SRP72: variants seen among roughly 807,000 people sequenced by gnomAD.
SRP72 encodes the protein signal recognition particle subunit SRP72.
A neutral mutation model predicts 96.3 loss-of-function variants in SRP72; 49 were observed. The observed-to-expected ratio is 0.51, with a 90% confidence interval of 0.40 to 0.65. The LOEUF is 0.65. Among genes scored for constraint, SRP72 ranks in the 30% least tolerant of loss-of-function variants. The probability of loss-of-function intolerance (pLI) is 0.00; values close to 1 mark genes in which losing one functional copy is unlikely to be tolerated. For missense variants in SRP72, 736 were observed against 793.3 expected (o/e 0.93, Z 0.87); for synonymous variants, 267 against 275.2 (o/e 0.97, Z 0.30).
At chr4:56,477,184 T>TA in intron 6 of SRP72, 1 of 152,572 alleles carries the variant, frequency 6.6e-6, no homozygotes, top group East Asian at 1.9e-4. Flanking sequence ...GGCTCACAAC[T>TA]AATTAGACAA....
At chr4:56,483,734 C>G (rs1262902629) in intron 9 of SRP72, among the ~76,000 whole-genome samples, 1 of 151,718 alleles carries the variant, frequency 6.6e-6, no homozygotes, top group Non-Finnish European at 1.5e-5. Context: ...AAGTAATTTG[C>G]CCAATTTCTT....
Position 56,490,600 on chromosome 4 carries a change from A to G in SRP72, c.1457A>G (p.Gln486Arg), listed in dbSNP as rs748008594. 7 of 1,613,992 alleles carry G rather than the reference A, an allele frequency of 4.3e-6. No individual in the cohort carries two copies. In the South Asian group the frequency reaches 7.7e-5, roughly 18 times the overall value. Residue 486 changes from glutamine (Q) to arginine (R), a missense_variant, in exon 15 of 19, where the codon CAG (glutamine) becomes CGG (arginine). By Grantham distance (43) the Gln-to-Arg change is conservative (BLOSUM62 1). Transcript: ENST00000642900. Reference sequence around the variant, plus strand: ...CCAAAAGATATTCACACCCTGGCACAGCTTATTTCTGCTTACTCACTTGTA... The same window carrying G: ...CCAAAAGATATTCACACCCTGGCACGGCTTATTTCTGCTTACTCACTTGTA... ...QNPKDIHTLA[Q>R]LISAYSLVDP...
rs1720780006 is a variant in SRP72, at chr4:56,488,006, C to T, written c.1217C>T (p.Pro406Leu). The change falls in exon 12 of 19, where the codon CCA becomes CTA. Residue 406 changes from proline (P) to leucine (L), a missense_variant. By Grantham distance (98) the Pro-to-Leu change is moderately conservative. Transcript: ENST00000642900. ...LRSIEELKHK[P>L]GMVSALVTMY... ...AGCATAGAGGAGTTAAAGCATAAAC[C>T]AGGCATGGTGAGTTTTAAAAATTAC... The T allele has an allele frequency of 1.3e-6, 2 of 1,597,466 alleles. No individual in the cohort carries two copies. Among genetic ancestry groups the T allele is most frequent in the Non-Finnish European group, 1.7e-6 (2 of 1,175,432 alleles).
At position 56,502,483 on chromosome 4, in the gene SRP72, GTATATATATATACATATA is replaced by G. The variant is rs1471949024; in HGVS notation, c.*635_*652del. 2.2e-5 allele frequency: 2 copies of G among 91,082 alleles called. No individual in the cohort carries two copies. The highest frequency in any genetic ancestry group is 1.0e-3 in the East Asian group (2 of 1,986). The allele number at this position is 91,082 out of a possible 1,614,324, so 5.6% of individuals were successfully genotyped here. A position where few individuals can be genotyped will look rare whatever the true frequency, so the allele number is the denominator to read the frequency against. On this transcript the variant is annotated 3_prime_UTR_variant, in exon 19 of 19. Transcript: ENST00000642900. Reference sequence around the variant, plus strand: ...TTCATGTTTATATATATATATATATGTATATATATATACATATATATATATATATAAACATGAAATATA... The same window carrying G: ...TTCATGTTTATATATATATATATATGTATATATATATAAACATGAAATATA...
At chr4:56,491,801 A>C in intron 16 of SRP72, 1 of 381,712 alleles carries the variant, frequency 2.6e-6, no homozygotes, top group East Asian at 4.6e-5. Flanking sequence ...CTTTGTGTTT[A>C]CACACACAGA....
At chr4:56,499,607 T>C (rs1721189708) in intron 17 of SRP72, among the ~76,000 whole-genome samples, 1 of 151,854 alleles carries the variant, frequency 6.6e-6, no homozygotes, top group African/African-American at 2.4e-5. Flanking sequence ...CCAAGAAACA[T>C]GAAAAAAAGC....
At chr4:56,478,291 T>G in intron 6 of SRP72, 88 bp from the exon 7 acceptor site, 11 of 1,350,238 alleles carry the variant, frequency 8.1e-6, no homozygotes, top group Non-Finnish European at 1.1e-5. Context: ...GTCTTCAGGA[T>G]TGTATCTCTT....
chr4:56,468,822 C>T (rs908942198), intron 1 of SRP72, among the ~76,000 whole-genome samples: 4 of 152,156 alleles, frequency 2.6e-5, no homozygotes, highest in African/African-American at 9.7e-5. Flanking sequence ...TAGTATTTTG[C>T]AGGAATTCTT....
At chr4:56,483,816 T>C (rs1024772763) in intron 9 of SRP72, among the ~76,000 whole-genome samples, 7 of 152,130 alleles carry the variant, frequency 4.6e-5, no homozygotes, top group Non-Finnish European at 1.0e-4. Context: ...GATAACTTTC[T>C]CATTACCTTA....
chr4:56,467,863 C>T (rs1319273071), intron 1 of SRP72, 119 bp downstream of exon 1: 3 of 1,002,686 alleles, frequency 3.0e-6, no homozygotes, highest in South Asian at 2.2e-5. Context: ...CGAAACCCCC[C>T]CGTCTATTGT....
rs113414930 is a variant in SRP72, at chr4:56,493,419, C to CA, written c.1640+1852dup. On this transcript the variant is annotated intron_variant, in intron 16 of 18. Transcript: ENST00000642900. ...GTTTCAGCACAGTATTTTCATTATG[C>CA]ATTATTAATGCTCTTTATTTTATCT... 1.8e-3 allele frequency among the ~76,000 whole-genome samples: 275 copies of CA among 152,278 alleles called. 10 individuals carry two copies. In the South Asian group the frequency reaches 0.039, roughly 21 times the overall value.
At chr4:56,499,660 A>G (rs147663068) in intron 17 of SRP72, among the ~76,000 whole-genome samples, 9 of 152,336 alleles carry the variant, frequency 5.9e-5, no homozygotes, top group Non-Finnish European at 8.8e-5. Flanking sequence ...CAAAACAACA[A>G]TGAAATACCA....
Position 56,503,132 on chromosome 4 carries a change from A to C in SRP72, c.*1271A>C, listed in dbSNP as rs1266746384. On this transcript the variant is annotated 3_prime_UTR_variant, in exon 19 of 19. Transcript: ENST00000642900. The stretch of plus-strand genomic sequence containing the variant: ...ACTTCTTCAAAGAGTTTTTTATGAA[A>C]GACTTTCCTCCTTTACAAGAAAGAA... The C allele has an allele frequency of 6.6e-6, 1 of 152,208 alleles. No homozygotes were observed. The highest frequency in any genetic ancestry group is 1.5e-5 in the Non-Finnish European group (1 of 68,034). 9.4% of individuals were successfully genotyped at this position (152,208 alleles called of 1,614,324 possible). A position where few individuals can be genotyped will look rare whatever the true frequency, so the allele number is the denominator to read the frequency against.
Position 56,489,491 on chromosome 4 carries a change from A to C in SRP72, c.1320+8A>C. 6.6e-7 allele frequency: 1 copy of C among 1,505,400 alleles called. No homozygotes were observed. The highest frequency in any genetic ancestry group is 1.2e-5 in the South Asian group (1 of 83,396). 93.3% of individuals were successfully genotyped at this position (1,505,400 alleles called of 1,614,324 possible). A position where few individuals can be genotyped will look rare whatever the true frequency, so the allele number is the denominator to read the frequency against. On this transcript the variant is annotated splice_region_variant and intron_variant, in intron 13 of 18. Coordinates refer to ENST00000642900, the MANE Select transcript of SRP72 (RefSeq NM_006947.4). ...TGGTATCAAAACCATCAGGTAAATA[A>C]ATGGAGTAAAATGTTATGAGAGCAT...
chr4:56,500,512 CATTT>C lies in SRP72; in HGVS notation c.1679-23_1679-20del. On this transcript the variant is annotated intron_variant, in intron 17 of 18. Transcript: ENST00000642900. Reference sequence around the variant, plus strand: ...CTTGAAAATATTATGACACATCTCTCATTTCTTTATAATCGTTATGCAGGAAAAT... The same window carrying C: ...CTTGAAAATATTATGACACATCTCTCCTTTATAATCGTTATGCAGGAAAAT... The C allele has an allele frequency of 1.9e-6, 3 of 1,606,608 alleles. No individual in the cohort carries two copies. The highest frequency in any genetic ancestry group is 2.6e-6 in the Non-Finnish European group (3 of 1,176,088).
In SRP72 at chr4:56,474,131, TGAG is replaced by T; in HGVS notation, c.436_438del (p.Glu146del). 1.2e-6 allele frequency: 2 copies of T among 1,614,182 alleles called. No individual in the cohort carries two copies. Among genetic ancestry groups the T allele is most frequent in the Non-Finnish European group, 1.7e-6 (2 of 1,180,036 alleles). On this transcript the variant is annotated inframe_deletion, in exon 4 of 19. Transcript: ENST00000642900. ...TCCGAAACTCCCAAGATGATTATGA[TGAG>T]GAGAGGAAAACAAACCTTTCAGCAG...
At chr4:56,470,327 T>TC (rs1190619609) in intron 2 of SRP72, among the ~76,000 whole-genome samples, 1 of 152,116 alleles carries the variant, frequency 6.6e-6, no homozygotes, top group Non-Finnish European at 1.5e-5. Flanking sequence ...GATCACGAGG[T>TC]CAGGGGTTTG....
At chr4:56,492,662 T>C (rs1720949225) in intron 16 of SRP72, among the ~76,000 whole-genome samples, 1 of 152,216 alleles carries the variant, frequency 6.6e-6, no homozygotes, top group South Asian at 2.1e-4. Context: ...TCATAATAAC[T>C]TCCAAAACTT....
chr4:56,477,609 A>G (rs1473994340), intron 6 of SRP72, among the ~76,000 whole-genome samples: 1 of 152,042 alleles, frequency 6.6e-6, no homozygotes. Context: ...TCTTCTCTTT[A>G]ATATTTTTAA....
Sources: gnomAD v4.1 joint callset for allele counts (sites outside exome capture counted in the v4.1 genomes callset) on GRCh38, gnomAD v4.1.1 for gene constraint, MANE v1.5 for transcripts, NCBI Gene and HGNC (gene_info 2026-07-23, HGNC 2026-07-21) for gene names.